Variants in AMY2A observed in about 807,000 individuals in gnomAD.
AMY2A encodes the protein amylase alpha 2A, also known as pancreatic alpha-amylase.
AMY2A carries 16 observed loss-of-function variants against 43.0 expected under a neutral mutation model. That is an observed-to-expected ratio of 0.37 (90% CI 0.25 to 0.56). AMY2A has a LOEUF of 0.56. AMY2A is among the 20% of genes least tolerant of loss of function. AMY2A has a pLI of 0.77. For synonymous variants in AMY2A, 70 were observed against 144.6 expected, an observed-to-expected ratio of 0.48 and a Z score of 3.70; for missense variants, 212 against 456.8, an observed-to-expected ratio of 0.46 and a Z score of 4.89.
intron 2 of AMY2A, 60 bp from the exon 3 acceptor site, chr1:103,618,851 T>A: frequency 1.6e-6 from 1 of 618,244 alleles, no homozygotes; most frequent in Admixed American, 3.0e-5. Context: ...CTTGCATCAA[T>A]AATGCTTTAA....
chr1:103,616,966 A>G (rs1375736087), upstream of AMY2A: 7 of 1,042,174 alleles, frequency 6.7e-6, no homozygotes, highest in Non-Finnish European at 8.1e-6. Context: ...AGTCCAAGCC[A>G]TAGGACCCAG....
At chr1:103,619,434 A>T (rs1653171229) in intron 3 of AMY2A, 120 bp from the exon 4 acceptor site, 1 of 1,241,390 alleles carries the variant, frequency 8.1e-7, no homozygotes, top group East Asian at 2.4e-5. Flanking sequence ...CCAGTGCCCA[A>T]TGCAAGGAAG....
At chr1:103,618,593 C>G (rs1477659951) in intron 2 of AMY2A, among the ~76,000 whole-genome samples, 2 of 150,580 alleles carry the variant, frequency 1.3e-5, no homozygotes, top group Non-Finnish European at 3.0e-5. Flanking sequence ...CTGAAATTTC[C>G]AAAACAATAA....
At chr1:103,618,792 A>C (rs889656826) in intron 2 of AMY2A, 119 bp from the exon 3 acceptor site, 9 of 1,463,844 alleles carry the variant, frequency 6.1e-6, no homozygotes, top group South Asian at 5.1e-5. Context: ...TAGGAAAATA[A>C]TTATAAGATA....
chr1:103,617,447 T>C lies in AMY2A; in HGVS notation c.7T>C (p.Phe3Leu), dbSNP rs369993142. 414 of 1,599,642 alleles carry C rather than the reference T, an allele frequency of 2.6e-4. 4 individuals carry two copies. The Middle Eastern group carries it at 3.4e-3, about 13-fold the overall frequency. Residue 3 changes from phenylalanine (F) to leucine (L), a missense_variant, in exon 1 of 10, where the codon TTC (phenylalanine) becomes CTC (leucine). Coordinates refer to ENST00000414303, the MANE Select transcript of AMY2A (RefSeq NM_000699.4). Reference protein sequence around the residue: MKFFLLLFTIGFC... With the variant: MKLFLLLFTIGFC... The stretch of plus-strand genomic sequence containing the variant: ...CTGACAACTTCAAAGCAAAATGAAG[T>C]TCTTTCTGTTGCTTTTCACCATTGG...
intron 2 of AMY2A, among the ~76,000 whole-genome samples, chr1:103,618,645 T>A (rs529986155): frequency 1.3e-5 from 2 of 150,818 alleles, no homozygotes; most frequent in African/African-American, 4.8e-5. Context: ...CAAAGTGGGC[T>A]TTTTGCATTT....
Position 103,619,128 on chromosome 1 carries a change from G to A in AMY2A, c.513+20G>A, listed in dbSNP as rs1653162622. On this transcript the variant is annotated intron_variant, in intron 3 of 9. Coordinates refer to ENST00000414303, the MANE Select transcript of AMY2A (RefSeq NM_000699.4). ...ACTCAGGTAATTTTTTTACGAGAGTGATCTGAATAAAAGAGTAATATATGC... is the reference window on the plus strand; with the variant it reads ...ACTCAGGTAATTTTTTTACGAGAGTAATCTGAATAAAAGAGTAATATATGC... 1 of 833,152 alleles carries A rather than the reference G, an allele frequency of 1.2e-6. No homozygotes were observed. The highest frequency in any genetic ancestry group is 1.8e-5 in the South Asian group (1 of 54,124). The allele number at this position is 833,152 out of a possible 1,614,324, so 51.6% of individuals were successfully genotyped here.
chr1:103,623,698 T>C lies in AMY2A; in HGVS notation c.1102-168T>C, dbSNP rs951809638. Among the ~76,000 whole-genome samples, 4 of 123,298 alleles carry C rather than the reference T, an allele frequency of 3.2e-5. 1 individual carries two copies. Among genetic ancestry groups the C allele is most frequent in the Non-Finnish European group, 7.0e-5 (4 of 57,302 alleles). 80.9% of individuals were successfully genotyped at this position (123,298 alleles called of 152,430 possible). The stretch of plus-strand genomic sequence containing the variant: ...AGAAGAAAACCAGAGGATAGAGAGA[T>C]GATGAAGACCCAGTAAAGGGCTATA... On this transcript the variant is annotated intron_variant, in intron 7 of 9. Transcript: ENST00000414303.
At chr1:103,618,187 T>A (rs1227565986) in intron 2 of AMY2A, 87 bp downstream of exon 2, 4 of 1,508,154 alleles carry the variant, frequency 2.7e-6, no homozygotes, top group Non-Finnish European at 2.7e-6. Flanking sequence ...GCAGAAAATT[T>A]TCCGTATTTT....
At chr1:103,618,197 T>C in intron 2 of AMY2A, 97 bp downstream of exon 2, 1 of 1,491,244 alleles carries the variant, frequency 6.7e-7, no homozygotes, top group Non-Finnish European at 9.0e-7. Flanking sequence ...TTCCGTATTT[T>C]ATTTTTTTAA....
rs1471815212 is a variant in AMY2A, at chr1:103,617,516, A to T, written c.76A>T (p.Thr26Ser). The change falls in exon 1 of 10, where the codon ACA becomes TCA. Residue 26 changes from threonine to serine, a missense_variant. Thr to Ser is a moderately conservative substitution (Grantham distance 58). This residue lies in a region of AMY2A where 199 missense variants were observed against 210.6 expected (regional missense o/e 0.94). Transcript: ENST00000414303. ...QYSPNTQQGRTSIVHLFEWRW... is the reference protein window; with the variant it reads ...QYSPNTQQGRSSIVHLFEWRW... ...TTCCCCAAATACACAACAAGGACGG[A>T]CATCTATTGTTCATCTGTTTGAATG... The T allele has an allele frequency of 1.2e-6, 2 of 1,600,804 alleles. No homozygotes were observed. Among genetic ancestry groups the T allele is most frequent in the Admixed American group, 3.4e-5 (2 of 59,696 alleles).
In AMY2A at chr1:103,619,913, C is replaced by T. The variant is rs537639234; in HGVS notation, c.744+129C>T. On this transcript the variant is annotated intron_variant, in intron 4 of 9. Transcript: ENST00000414303. Reference sequence around the variant, plus strand: ...TTTACATAAAACAGTGTTCTTTAACCTCCTCTTCTTCACATACAGCATATC... The same window carrying T: ...TTTACATAAAACAGTGTTCTTTAACTTCCTCTTCTTCACATACAGCATATC... The T allele has an allele frequency of 2.1e-5, 31 of 1,476,568 alleles. 1 individual carries two copies. Among genetic ancestry groups the T allele is most frequent in the Non-Finnish European group, 2.9e-5 (31 of 1,081,696 alleles). The allele number at this position is 1,476,568 out of a possible 1,614,324, so 91.5% of individuals were successfully genotyped here.
chr1:103,618,562 A>G (rs1653145355), intron 2 of AMY2A, among the ~76,000 whole-genome samples: 1 of 150,750 alleles, frequency 6.6e-6, no homozygotes, highest in Non-Finnish European at 1.5e-5. Context: ...TAGAGAGTAC[A>G]GGCTTTCTCC....
upstream of AMY2A, chr1:103,617,194 A>G (rs1281429025): frequency 9.2e-7 from 1 of 1,090,496 alleles, no homozygotes; most frequent in Non-Finnish European, 1.3e-6. Flanking sequence ...TCACTGTTTA[A>G]GGAAAAATAA....
rs1446271217 is a variant in AMY2A, at chr1:103,618,244, T to A, written c.315+144T>A. 5 of 1,346,818 alleles carry A rather than the reference T, an allele frequency of 3.7e-6. No homozygotes were observed. The East Asian group carries it at 1.3e-4, about 34-fold the overall frequency. 83.4% of individuals were successfully genotyped at this position (1,346,818 alleles called of 1,614,324 possible). On this transcript the variant is annotated intron_variant, in intron 2 of 9. Transcript: ENST00000414303. Reference sequence around the variant, plus strand: ...AATTTAAAACTCAAAATTAACTGTTTATTTATGTTCAACTTTTGTGAATAT... The same window carrying A: ...AATTTAAAACTCAAAATTAACTGTTAATTTATGTTCAACTTTTGTGAATAT...
At chr1:103,624,961 T>G (rs532433254) in intron 9 of AMY2A, among the ~76,000 whole-genome samples, 2,122 of 131,066 alleles carry the variant, frequency 0.016, 577 homozygotes, top group African/African-American at 0.062. Context: ...TATATTTCAC[T>G]GATGAAAAGT....
chr1:103,618,452 C>T (rs192038190), intron 2 of AMY2A, among the ~76,000 whole-genome samples: 5 of 150,654 alleles, frequency 3.3e-5, no homozygotes, highest in East Asian at 1.9e-4. Context: ...TGTCTCCATC[C>T]GTAATTCTTG....
chr1:103,618,225 A>G, intron 2 of AMY2A, 125 bp downstream of exon 2: 1 of 1,410,136 alleles, frequency 7.1e-7, no homozygotes, highest in Non-Finnish European at 9.5e-7. Flanking sequence ...TCATAATTTA[A>G]AACTCAAAAT....
At chr1:103,617,730 G>T (rs1653117271) in intron 1 of AMY2A, 122 bp downstream of exon 1, 1 of 1,560,132 alleles carries the variant, frequency 6.4e-7, no homozygotes, top group Non-Finnish European at 8.7e-7. Flanking sequence ...AAGTAAAAGA[G>T]ATTTCTGAGG....
Sources: allele counts gnomAD v4.1 joint callset (sites outside exome capture counted in the v4.1 genomes callset), GRCh38; gene constraint gnomAD v4.1.1; regional missense constraint gnomAD v4.1.1; transcripts MANE v1.5; gene names NCBI Gene and HGNC (gene_info 2026-07-23, HGNC 2026-07-21).